The following SLC4A4 variants were observed in gnomAD, a reference collection of about 807,000 sequenced individuals.
SLC4A4 encodes solute carrier family 4 member 4.
SLC4A4 carries 27 observed loss-of-function variants against 111.5 expected under a neutral mutation model. The ratio of observed to expected loss-of-function variants is 0.24; its 90% CI spans 0.18 to 0.33. The LOEUF (loss-of-function observed/expected upper bound fraction) is 0.33, where lower values mean the gene tolerates loss of function less well. Among genes scored for constraint, SLC4A4 ranks in the 10% least tolerant of loss-of-function variants. SLC4A4 has a pLI of 1.00. For synonymous variants in SLC4A4, 443 were observed against 463.4 expected, an observed-to-expected ratio of 0.96 and a Z score of 0.57; for missense variants, 909 against 1,315.5, an observed-to-expected ratio of 0.69 and a Z score of 4.78.
chr4:71,378,728 G>A (rs1377321647), intron 6 of SLC4A4, among the ~76,000 whole-genome samples: 3 of 152,140 alleles, frequency 2.0e-5, no homozygotes, highest in Admixed American at 6.5e-5. Flanking sequence ...GCAAACTGTC[G>A]AATTTTACTT....
intron 1 of SLC4A4, among the ~76,000 whole-genome samples, chr4:71,074,270 AGAG>A (rs934446089): frequency 7.2e-5 from 11 of 152,220 alleles, no homozygotes; most frequent in African/African-American, 2.7e-4. Flanking sequence ...AGAGCTGTAA[AGAG>A]GAGAATAGGC....
chr4:71,523,925 G>A (rs1354573007), intron 16 of SLC4A4, among the ~76,000 whole-genome samples: 2 of 152,076 alleles, frequency 1.3e-5, no homozygotes, highest in South Asian at 2.1e-4. Flanking sequence ...ACACCATCTA[G>A]TGTAACATCA....
At chr4:71,129,643 C>T (rs528435276) in intron 2 of SLC4A4, among the ~76,000 whole-genome samples, 2 of 152,146 alleles carry the variant, frequency 1.3e-5, no homozygotes, top group Non-Finnish European at 2.9e-5. Context: ...ATAAATTGTT[C>T]TACCATAAAG....
At chr4:71,095,394 A>G (rs2148943183) in intron 2 of SLC4A4, among the ~76,000 whole-genome samples, 1 of 152,328 alleles carries the variant, frequency 6.6e-6, no homozygotes, top group Non-Finnish European at 1.5e-5. Flanking sequence ...TCTCCCTTTT[A>G]TATGGACAGC....
chr4:71,567,601 G>T (rs190738564), intron 25 of SLC4A4, among the ~76,000 whole-genome samples, 187 bp from the exon 26 acceptor site: 2 of 151,480 alleles, frequency 1.3e-5, no homozygotes, highest in African/African-American at 2.4e-5. Flanking sequence ...TTTTTTACTT[G>T]AATTTCTTGA....
intron 1 of SLC4A4, among the ~76,000 whole-genome samples, chr4:71,079,290 G>A (rs149362122): frequency 2.0e-5 from 3 of 152,222 alleles, no homozygotes; most frequent in South Asian, 2.1e-4. Flanking sequence ...CATTCCTATC[G>A]CAAGCCCGAG....
intron 18 of SLC4A4, among the ~76,000 whole-genome samples, chr4:71,538,038 C>A (rs562765351): frequency 8.0e-4 from 121 of 152,052 alleles, no homozygotes; most frequent in African/African-American, 2.8e-3. Context: ...TTCAGATGTT[C>A]TGTATTGAGA....
At position 71,329,785 on chromosome 4, in the gene SLC4A4, T is replaced by C. The variant is rs1410857365; in HGVS notation, c.254-9585T>C. On this transcript the variant is annotated intron_variant, in intron 3 of 25. Coordinates refer to ENST00000264485, the MANE Select transcript of SLC4A4 (RefSeq NM_001098484.3). ...ACAAGGTTAATTTGAGTTCCTTCTTTCCAAATTGAATGCCCTTTATTTCTT... is the reference window on the plus strand; with the variant it reads ...ACAAGGTTAATTTGAGTTCCTTCTTCCCAAATTGAATGCCCTTTATTTCTT... Among the ~76,000 whole-genome samples, 4 of 152,246 alleles carry C rather than the reference T, an allele frequency of 2.6e-5. No individual in the cohort carries two copies. The East Asian group carries it at 7.7e-4, about 29-fold the overall frequency.
chr4:71,231,430 G>T (rs537369549), intron 1 of SLC4A4, among the ~76,000 whole-genome samples: 9 of 152,336 alleles, frequency 5.9e-5, no homozygotes, highest in South Asian at 2.1e-4. Flanking sequence ...GATTAGGACC[G>T]GCTGGTGAAA....
At chr4:71,428,049 T>G (rs1374178066) in intron 7 of SLC4A4, among the ~76,000 whole-genome samples, 5 of 152,108 alleles carry the variant, frequency 3.3e-5, no homozygotes, top group Non-Finnish European at 5.9e-5. Flanking sequence ...TTTATCAAAC[T>G]CTAATTCATC....
intron 6 of SLC4A4, among the ~76,000 whole-genome samples, chr4:71,364,469 A>C (rs921720296): frequency 2.6e-5 from 4 of 152,182 alleles, no homozygotes; most frequent in Non-Finnish European, 5.9e-5. Flanking sequence ...ATAGAAATTT[A>C]TTGCTCACAA....
At chr4:71,113,215 A>C (rs538049771) in intron 2 of SLC4A4, among the ~76,000 whole-genome samples, 1 of 152,296 alleles carries the variant, frequency 6.6e-6, no homozygotes, top group Non-Finnish European at 1.5e-5. Flanking sequence ...GTCCAACACT[A>C]ATCAGGTGGA....
intron 2 of SLC4A4, among the ~76,000 whole-genome samples, chr4:71,238,843 T>C (rs1249957024): frequency 2.0e-5 from 3 of 152,178 alleles, no homozygotes; most frequent in Admixed American, 2.0e-4. Context: ...TAGATTTTTA[T>C]AGTAGCTCTA....
At chr4:71,365,567 G>A (rs1197402310) in intron 6 of SLC4A4, among the ~76,000 whole-genome samples, 1 of 152,110 alleles carries the variant, frequency 6.6e-6, no homozygotes, top group Non-Finnish European at 1.5e-5. Flanking sequence ...TTCCAAGAAT[G>A]ACTAAGCATG....
At chr4:71,140,303 C>T (rs551738452) in intron 2 of SLC4A4, among the ~76,000 whole-genome samples, 1 of 152,170 alleles carries the variant, frequency 6.6e-6, no homozygotes, top group East Asian at 1.9e-4. Flanking sequence ...CACCTGAAGT[C>T]CCAGCTACTC....
At chr4:71,166,379 G>C (rs1383666180) in intron 2 of SLC4A4, among the ~76,000 whole-genome samples, 1 of 152,154 alleles carries the variant, frequency 6.6e-6, no homozygotes, top group East Asian at 1.9e-4. Context: ...TCTTTTGAAA[G>C]AACTATCTTA....
intron 3 of SLC4A4, among the ~76,000 whole-genome samples, chr4:71,292,073 A>C (rs1383878000): frequency 6.6e-6 from 1 of 152,230 alleles, no homozygotes; most frequent in African/African-American, 2.4e-5. Context: ...ACTATAAAAA[A>C]AAAGAAGAGA....
chr4:71,371,371 G>A (rs1731860845), intron 6 of SLC4A4, among the ~76,000 whole-genome samples: 1 of 150,648 alleles, frequency 6.6e-6, no homozygotes, highest in Admixed American at 6.7e-5. Flanking sequence ...AGCCTCCCAA[G>A]TGGCTGGGAT....
chr4:71,478,810 A>G (rs1041549056), intron 14 of SLC4A4, among the ~76,000 whole-genome samples: 4 of 151,912 alleles, frequency 2.6e-5, no homozygotes, highest in Admixed American at 1.3e-4. Flanking sequence ...ATACAAACAC[A>G]TATTATAAAA....
Sources: allele counts gnomAD v4.1 joint callset (sites outside exome capture counted in the v4.1 genomes callset), GRCh38; gene constraint gnomAD v4.1.1; transcripts MANE v1.5; gene names NCBI Gene and HGNC (gene_info 2026-07-23, HGNC 2026-07-21).